The following ZNF385D variants were observed in gnomAD, a reference collection of about 807,000 sequenced individuals.
The protein encoded by ZNF385D is zinc finger protein 659.
In ZNF385D, 15 loss-of-function variants were observed where a neutral mutation model predicts 35.8. That is an observed-to-expected ratio of 0.42 (90% CI 0.28 to 0.64). The LOEUF is 0.64. Ranked by LOEUF, ZNF385D falls within the 30% of genes least tolerant of loss-of-function variation. The probability of loss-of-function intolerance (pLI) is 0.23; values close to 1 mark genes in which losing one functional copy is unlikely to be tolerated. For missense variants in ZNF385D, 474 were observed against 494.6 expected (o/e 0.96, Z 0.39); for synonymous variants, 212 against 186.8 (o/e 1.13, Z -1.10).
intron 2 of ZNF385D, among the ~76,000 whole-genome samples, chr3:22,226,783 CTGTACCCCATTA>C (rs1698582964): frequency 6.6e-6 from 1 of 152,142 alleles, no homozygotes; most frequent in African/African-American, 2.4e-5. Flanking sequence ...TTGCTTTTCT[CTGTACCCCATTA>C]TCTGTCATTT....
At chr3:21,995,768 A>G (rs1371865176) in intron 3 of ZNF385D, among the ~76,000 whole-genome samples, 1 of 151,916 alleles carries the variant, frequency 6.6e-6, no homozygotes, top group Non-Finnish European at 1.5e-5. Context: ...GCCAGAAGGC[A>G]CATTCAGGGG....
intron 3 of ZNF385D, among the ~76,000 whole-genome samples, chr3:22,140,350 A>G (rs1704429896): frequency 6.6e-6 from 1 of 152,202 alleles, no homozygotes; most frequent in African/African-American, 2.4e-5. Context: ...GTGTGGTTCT[A>G]TTTATACAAC....
rs187806424 is a variant in ZNF385D, at chr3:22,018,841, T to C, written c.325+149976A>G. ...GATTGATCCAGCTATTTCACAGAAATGGGTGGAGTTTAATTGCTAATTTTT... is the reference window on the plus strand; with the variant it reads ...GATTGATCCAGCTATTTCACAGAAACGGGTGGAGTTTAATTGCTAATTTTT... On this transcript the variant is annotated intron_variant, in intron 3 of 5. Coordinates refer to the ZNF385D transcript ENST00000494108. Among the ~76,000 whole-genome samples, 8 of 152,012 alleles carry C rather than the reference T, an allele frequency of 5.3e-5. No homozygotes were observed. In the East Asian group the frequency reaches 1.5e-3, roughly 29 times the overall value.
At chr3:22,104,771 A>G (rs1345089867) in intron 3 of ZNF385D, among the ~76,000 whole-genome samples, 1 of 152,148 alleles carries the variant, frequency 6.6e-6, no homozygotes, top group Admixed American at 6.5e-5. Flanking sequence ...CCTAGTAAAT[A>G]TGAATCATAT....
At chr3:22,048,926 A>T (rs1699175876) in intron 3 of ZNF385D, among the ~76,000 whole-genome samples, 1 of 152,096 alleles carries the variant, frequency 6.6e-6, no homozygotes, top group African/African-American at 2.4e-5. Context: ...TCTTTCATTC[A>T]TGTTTTATAA....
chr3:21,888,718 T>C (rs1698682823), intron 3 of ZNF385D, among the ~76,000 whole-genome samples: 1 of 152,170 alleles, frequency 6.6e-6, no homozygotes, highest in Non-Finnish European at 1.5e-5. Context: ...AGTAACAGGA[T>C]GTTAAAACTG....
intron 1 of ZNF385D, among the ~76,000 whole-genome samples, chr3:21,704,249 C>T (rs1031058010): frequency 3.3e-5 from 5 of 152,118 alleles, no homozygotes; most frequent in Non-Finnish European, 5.9e-5. Flanking sequence ...CAGCCACCAA[C>T]GTTCCTCTTT....
At chr3:21,667,754 T>A (rs779240737) in intron 1 of ZNF385D, among the ~76,000 whole-genome samples, 19 of 152,220 alleles carry the variant, frequency 1.2e-4, no homozygotes, top group Non-Finnish European at 2.2e-4. Context: ...CTCAAGCTGA[T>A]TTTTTATCTA....
intron 3 of ZNF385D, among the ~76,000 whole-genome samples, chr3:21,974,616 T>C (rs12638289): frequency 0.25 from 37,819 of 151,802 alleles, 5,157 homozygotes; most frequent in East Asian, 0.32. Context: ...AAGGATACAA[T>C]CAACAAATTG....
chr3:21,969,765 G>T (rs903389564), intron 3 of ZNF385D, among the ~76,000 whole-genome samples: 1 of 149,320 alleles, frequency 6.7e-6, no homozygotes, highest in African/African-American at 2.5e-5. Context: ...CTGCTATGCT[G>T]GCTTTGGGTC....
At chr3:21,744,101 C>T (rs2069647972) in intron 1 of ZNF385D, among the ~76,000 whole-genome samples, 1 of 152,168 alleles carries the variant, frequency 6.6e-6, no homozygotes, top group South Asian at 2.1e-4. Context: ...ATAGAGTCTA[C>T]ACCTTAACAG....
chr3:22,019,034 CTTTTTTTTTTTTTT>C (rs11380195), intron 3 of ZNF385D, among the ~76,000 whole-genome samples: 16,644 of 64,938 alleles, frequency 0.26, 1,324 homozygotes, highest in Admixed American at 0.47. Context: ...AGTTATTTAC[CTTTTTTTTTTTTTT>C]TTTTTTTTTT....
chr3:22,003,665 G>A (rs762240869), intron 3 of ZNF385D, among the ~76,000 whole-genome samples: 2 of 152,062 alleles, frequency 1.3e-5, no homozygotes, highest in Non-Finnish European at 2.9e-5. Flanking sequence ...CCAGGTGTTC[G>A]AGACCAGCTG....
chr3:21,908,157 T>TCTATCTATCTATCTACCTAC (rs1553696867), intron 3 of ZNF385D, among the ~76,000 whole-genome samples: 4 of 150,166 alleles, frequency 2.7e-5, no homozygotes, highest in African/African-American at 7.4e-5. Flanking sequence ...TATCTATCTA[T>TCTATCTATCTATCTACCTAC]CTATCTATCT....
intron 2 of ZNF385D, among the ~76,000 whole-genome samples, chr3:21,636,378 T>TTATATATATATATGATTATA (rs1319841111): frequency 2.1e-5 from 1 of 47,984 alleles, no homozygotes. Context: ...ATATATATGA[T>TTATATATATATATGATTATA]TATATATATA....
intron 3 of ZNF385D, among the ~76,000 whole-genome samples, chr3:21,922,457 C>T (rs545566095): frequency 2.0e-5 from 3 of 152,130 alleles, no homozygotes; most frequent in Non-Finnish European, 4.4e-5. Context: ...ACCAATGGAA[C>T]AGAATAGACA....
At chr3:21,691,979 C>T (rs1038391226) in intron 1 of ZNF385D, among the ~76,000 whole-genome samples, 1 of 152,138 alleles carries the variant, frequency 6.6e-6, no homozygotes, top group Non-Finnish European at 1.5e-5. Flanking sequence ...AGTCATATAA[C>T]GTTTGTACTT....
chr3:21,594,965 A>T (rs949249369), intron 2 of ZNF385D, among the ~76,000 whole-genome samples: 1 of 152,224 alleles, frequency 6.6e-6, no homozygotes, highest in Non-Finnish European at 1.5e-5. Context: ...TTGCTATCAC[A>T]GGTAAAACCA....
At chr3:21,640,205 C>G (rs1169491339) in intron 2 of ZNF385D, among the ~76,000 whole-genome samples, 1 of 152,060 alleles carries the variant, frequency 6.6e-6, no homozygotes, top group Non-Finnish European at 1.5e-5. Flanking sequence ...TTCTAATTCA[C>G]ATGTTATACT....
Sources: allele counts gnomAD v4.1 joint callset (sites outside exome capture counted in the v4.1 genomes callset), GRCh38; gene constraint gnomAD v4.1.1; transcripts MANE v1.5; gene names NCBI Gene and HGNC (gene_info 2026-07-23, HGNC 2026-07-21).